Variants in TTC7B observed in about 807,000 individuals in gnomAD.
TTC7B encodes tetratricopeptide repeat protein 7B.
TTC7B carries 28 observed loss-of-function variants against 106.8 expected under a neutral mutation model. The ratio of observed to expected loss-of-function variants is 0.26; its 90% CI spans 0.19 to 0.36. The LOEUF is 0.36. Ranked by LOEUF, TTC7B falls within the 10% of genes least tolerant of loss-of-function variation. TTC7B has a pLI of 1.00. For missense variants in TTC7B, 862 were observed against 1,076.4 expected (o/e 0.80, Z 2.79); for synonymous variants, 405 against 430.6 (o/e 0.94, Z 0.74).
intron 1 of TTC7B, among the ~76,000 whole-genome samples, chr14:90,791,169 C>T (rs1566889872): frequency 6.6e-6 from 1 of 152,144 alleles, no homozygotes; most frequent in Non-Finnish European, 1.5e-5. Flanking sequence ...CCATTCACCG[C>T]TACTTAGTGA....
At chr14:90,720,566 CGA>C (rs1398789234) in intron 5 of TTC7B, among the ~76,000 whole-genome samples, 1 of 152,114 alleles carries the variant, frequency 6.6e-6, no homozygotes, top group East Asian at 1.9e-4. Context: ...TGTTCATTCA[CGA>C]TACTCCCATC....
intron 19 of TTC7B, among the ~76,000 whole-genome samples, chr14:90,560,060 G>A (rs1385297826): frequency 3.3e-5 from 5 of 152,204 alleles, no homozygotes; most frequent in Admixed American, 6.5e-5. Context: ...CAGGAGCCCC[G>A]GGTTAGGGCC....
At chr14:90,767,309 A>G (rs1000367745) in intron 3 of TTC7B, among the ~76,000 whole-genome samples, 1 of 152,242 alleles carries the variant, frequency 6.6e-6, no homozygotes, top group African/African-American at 2.4e-5. Flanking sequence ...AAACTTGAGC[A>G]GGCAGTAACC....
At chr14:90,726,954 G>T (rs548355439) in intron 5 of TTC7B, among the ~76,000 whole-genome samples, 1 of 152,010 alleles carries the variant, frequency 6.6e-6, no homozygotes, top group Non-Finnish European at 1.5e-5. Context: ...GGAAGTTACC[G>T]GCCTGGATGA....
At chr14:90,761,038 A>T (rs1375029057) in intron 3 of TTC7B, among the ~76,000 whole-genome samples, 1 of 152,202 alleles carries the variant, frequency 6.6e-6, no homozygotes, top group African/African-American at 2.4e-5. Context: ...CAGTGAAAGA[A>T]ATCTGATCTA....
chr14:90,752,196 G>A lies in TTC7B; in HGVS notation c.446-7274C>T, dbSNP rs548105971. Among the ~76,000 whole-genome samples the A allele has an allele frequency of 3.9e-5, 6 of 152,112 alleles. No individual in the cohort carries two copies. In the South Asian group the frequency reaches 8.3e-4, roughly 21 times the overall value. ...CTAACAGAATATAGTATAACAAACC[G>A]GACTCTCCACTCCTTGCTTCCTTTC... On this transcript the variant is annotated intron_variant, in intron 3 of 19. Coordinates refer to ENST00000328459, the MANE Select transcript of TTC7B (RefSeq NM_001010854.2).
chr14:90,590,102 G>A (rs1860119701), intron 18 of TTC7B, among the ~76,000 whole-genome samples: 1 of 152,144 alleles, frequency 6.6e-6, no homozygotes, highest in Admixed American at 6.5e-5. Flanking sequence ...CTGAGGCTCA[G>A]GGATAAGAGG....
intron 17 of TTC7B, among the ~76,000 whole-genome samples, chr14:90,609,183 C>T (rs572180230): frequency 6.6e-6 from 1 of 152,292 alleles, no homozygotes; most frequent in South Asian, 2.1e-4. Flanking sequence ...GCAGTCTAAG[C>T]CCACCAATGA....
chr14:90,776,176 C>T (rs552763648), intron 3 of TTC7B, among the ~76,000 whole-genome samples: 39 of 150,550 alleles, frequency 2.6e-4, no homozygotes, highest in African/African-American at 8.8e-4. Flanking sequence ...CACACACACA[C>T]GCCAGGAATG....
At chr14:90,723,041 T>C (rs1423399294) in intron 5 of TTC7B, among the ~76,000 whole-genome samples, 3 of 152,232 alleles carry the variant, frequency 2.0e-5, no homozygotes, top group Non-Finnish European at 4.4e-5. Flanking sequence ...CAAACCCGTC[T>C]TCTGGTCATG....
chr14:90,798,732 A>AAAAAAAAC (rs869302614), intron 1 of TTC7B, among the ~76,000 whole-genome samples: 37 of 147,086 alleles, frequency 2.5e-4, no homozygotes, highest in Non-Finnish European at 4.4e-4. Flanking sequence ...AAAAAAAAAA[A>AAAAAAAAC]CACGCAATAA....
intron 3 of TTC7B, among the ~76,000 whole-genome samples, chr14:90,758,774 A>G (rs1890404456): frequency 6.6e-6 from 1 of 152,130 alleles, no homozygotes; most frequent in Non-Finnish European, 1.5e-5. Context: ...CGGAATCTGC[A>G]CCTGGGAGCC....
intron 9 of TTC7B, among the ~76,000 whole-genome samples, chr14:90,664,705 C>A (rs59491974): frequency 6.6e-6 from 1 of 152,160 alleles, no homozygotes; most frequent in African/African-American, 2.4e-5. Context: ...GCTCGCAGGG[C>A]GTGAGGACAA....
At chr14:90,588,504 G>T (rs540533539) in intron 18 of TTC7B, among the ~76,000 whole-genome samples, 1 of 152,140 alleles carries the variant, frequency 6.6e-6, no homozygotes, top group African/African-American at 2.4e-5. Flanking sequence ...AGTGCTGAAG[G>T]GCTGTGGACA....
chr14:90,657,826 A>G lies in TTC7B; in HGVS notation c.1236+478T>C. On this transcript the variant is annotated intron_variant, in intron 10 of 19. Transcript: ENST00000328459. This position sits in a 1 kb window ranked among gnomAD's most constrained non-coding sequence, Gnocchi z 4.2. ...TGTTCTTACTCCATTTTACCGAGGA[A>G]ACTGAGCTGCTCAGTAACTTGCCTG... The G allele has an allele frequency of 5.3e-6, 1 of 188,090 alleles. No homozygotes were observed. Among genetic ancestry groups the G allele is most frequent in the South Asian group, 9.9e-5 (1 of 10,056 alleles). The allele number at this position is 188,090 out of a possible 1,614,324, so 11.7% of individuals were successfully genotyped here.
At chr14:90,616,444 G>A (rs994586271) in intron 16 of TTC7B, among the ~76,000 whole-genome samples, 1 of 152,156 alleles carries the variant, frequency 6.6e-6, no homozygotes, top group African/African-American at 2.4e-5. Context: ...CCAAGCGAAG[G>A]GCGGGTGCGC....
intron 16 of TTC7B, among the ~76,000 whole-genome samples, chr14:90,616,524 G>A (rs1893083251): frequency 6.6e-6 from 1 of 151,858 alleles, no homozygotes; most frequent in African/African-American, 2.4e-5. Flanking sequence ...GGGAGGTGGG[G>A]GCTGGGGCTG....
In TTC7B at chr14:90,714,230, C is replaced by CA. The variant is rs1158904326; in HGVS notation, c.698+15844dup. On this transcript the variant is annotated intron_variant, in intron 5 of 19. Coordinates refer to ENST00000328459, the MANE Select transcript of TTC7B (RefSeq NM_001010854.2). ...GGGCAACAAGAGCGAAACTCTGTCT[C>CA]AAAAAAAGAAAAAAAAAGTGAGACA... is the stretch of plus-strand genomic sequence containing the variant. Among the ~76,000 whole-genome samples the CA allele has an allele frequency of 4.3e-3, 571 of 134,166 alleles. 6 individuals carry two copies. Among genetic ancestry groups the CA allele is most frequent in the African/African-American group, 9.9e-3 (360 of 36,510 alleles). The allele number at this position is 134,166 out of a possible 152,430, so 88.0% of individuals were successfully genotyped here.
At chr14:90,723,080 G>A (rs1399174812) in intron 5 of TTC7B, among the ~76,000 whole-genome samples, 1 of 152,144 alleles carries the variant, frequency 6.6e-6, no homozygotes, top group Non-Finnish European at 1.5e-5. Context: ...CATCTCACAG[G>A]CATCTTAAAC....
Sources: gnomAD v4.1 joint callset for allele counts (sites outside exome capture counted in the v4.1 genomes callset) on GRCh38, gnomAD v4.1.1 for gene constraint, Gnocchi (gnomAD v3.1) non-coding constraint, MANE v1.5 for transcripts, NCBI Gene and HGNC (gene_info 2026-07-23, HGNC 2026-07-21) for gene names.